Variants in FOXP2 observed in about 807,000 individuals in gnomAD.
The protein encoded by FOXP2 is forkhead box P2, also known as forkhead box protein P2.
In FOXP2, 12 loss-of-function variants were observed where a neutral mutation model predicts 115.8. That is an observed-to-expected ratio of 0.10 (90% CI 0.07 to 0.17). FOXP2 has a LOEUF of 0.17. Ranked by LOEUF, FOXP2 falls within the 10% of genes least tolerant of loss-of-function variation. The pLI is 1.00. For missense variants in FOXP2, 629 were observed against 843.5 expected, an observed-to-expected ratio of 0.75 and a Z score of 3.15; for synonymous variants, 328 against 297.7, an observed-to-expected ratio of 1.10 and a Z score of -1.05.
At chr7:114,233,255 G>A (rs1794929897) in intron 1 of FOXP2, among the ~76,000 whole-genome samples, 1 of 152,242 alleles carries the variant, frequency 6.6e-6, no homozygotes, top group South Asian at 2.1e-4. Flanking sequence ...CAAAAGGAGT[G>A]TTTAGGATTC....
intron 2 of FOXP2, among the ~76,000 whole-genome samples, chr7:114,429,464 A>G (rs944572828): frequency 1.3e-5 from 2 of 151,620 alleles, no homozygotes; most frequent in Middle Eastern, 3.4e-3. Context: ...TAAGTAGTAG[A>G]ATGTATAATA....
chr7:114,349,618 G>A (rs978552858), intron 2 of FOXP2, among the ~76,000 whole-genome samples: 2 of 151,850 alleles, frequency 1.3e-5, no homozygotes, highest in Non-Finnish European at 1.5e-5. Flanking sequence ...TTTCCCTCAA[G>A]GTGTATTTTG....
intron 1 of FOXP2, among the ~76,000 whole-genome samples, chr7:114,134,520 C>T (rs1013731306): frequency 2.6e-5 from 4 of 151,598 alleles, no homozygotes; most frequent in Non-Finnish European, 4.4e-5. Context: ...AAGACCATCC[C>T]GGCTAAAACG....
At chr7:114,688,648 T>C (rs961376075) in intron 16 of FOXP2, among the ~76,000 whole-genome samples, 5 of 152,164 alleles carry the variant, frequency 3.3e-5, no homozygotes, top group African/African-American at 9.7e-5. Flanking sequence ...TAAGCCTTGT[T>C]TGTGTGTGAC....
At chr7:114,304,455 T>A (rs901600961) in intron 2 of FOXP2, among the ~76,000 whole-genome samples, 1 of 151,880 alleles carries the variant, frequency 6.6e-6, no homozygotes. Flanking sequence ...GCAGATCACT[T>A]GAGGGCAGGA....
intron 3 of FOXP2, among the ~76,000 whole-genome samples, chr7:114,625,763 G>C (rs1026401053): frequency 2.6e-5 from 4 of 151,714 alleles, no homozygotes; most frequent in Non-Finnish European, 4.4e-5. Flanking sequence ...CTAGTTTTTT[G>C]TTTATTAAAT....
chr7:114,499,303 C>T, intron 2 of FOXP2: 1 of 170,398 alleles, frequency 5.9e-6, no homozygotes, highest in Non-Finnish European at 1.3e-5. Flanking sequence ...AGGGTTATTG[C>T]TGATAGCCTC....
chr7:114,447,002 G>A (rs1233460306), intron 2 of FOXP2, among the ~76,000 whole-genome samples: 3 of 151,714 alleles, frequency 2.0e-5, no homozygotes, highest in South Asian at 2.1e-4. Flanking sequence ...CACTCACTTC[G>A]GCCTCCCAAA....
intron 1 of FOXP2, among the ~76,000 whole-genome samples, chr7:114,264,130 A>G: frequency 6.6e-6 from 1 of 152,066 alleles, no homozygotes; most frequent in Non-Finnish European, 1.5e-5. Context: ...ACTTATATTA[A>G]TATGTTATTT....
intron 2 of FOXP2, among the ~76,000 whole-genome samples, chr7:114,396,845 A>G (rs1792757826): frequency 6.6e-6 from 1 of 152,102 alleles, no homozygotes; most frequent in African/African-American, 2.4e-5. Flanking sequence ...AAGTGATTTT[A>G]CCACAAAATG....
chr7:114,292,478 A>C (rs1033344571), intron 2 of FOXP2, among the ~76,000 whole-genome samples: 1 of 152,202 alleles, frequency 6.6e-6, no homozygotes, highest in South Asian at 2.1e-4. Context: ...ATGTGGCAAA[A>C]CCCAAATATC....
intron 1 of FOXP2, among the ~76,000 whole-genome samples, chr7:114,191,156 C>T (rs1793751337): frequency 6.6e-6 from 1 of 152,074 alleles, no homozygotes; most frequent in South Asian, 2.1e-4. Flanking sequence ...ACTTTCTATC[C>T]CTGTAGGTTT....
chr7:114,273,729 C>T (rs1187823999), intron 1 of FOXP2, among the ~76,000 whole-genome samples: 2 of 152,020 alleles, frequency 1.3e-5, no homozygotes, highest in Non-Finnish European at 2.9e-5. Flanking sequence ...TTGAAGTCTG[C>T]TATGTCTGAA....
At chr7:114,196,436 T>A (rs565064281) in intron 1 of FOXP2, among the ~76,000 whole-genome samples, 1 of 152,230 alleles carries the variant, frequency 6.6e-6, no homozygotes, top group Non-Finnish European at 1.5e-5. Context: ...TGGTGATTAT[T>A]AAACTATATT....
At chr7:114,569,980 A>T (rs149214363) in intron 3 of FOXP2, among the ~76,000 whole-genome samples, 1 of 151,970 alleles carries the variant, frequency 6.6e-6, no homozygotes, top group African/African-American at 2.4e-5. Flanking sequence ...ATGAATGGGG[A>T]TCATCCTTTC....
In FOXP2 at chr7:114,152,255, C is replaced by T. The variant is rs150821057; in HGVS notation, c.-246-10689C>T. Among the ~76,000 whole-genome samples the T allele has an allele frequency of 2.0e-5, 3 of 152,140 alleles. No individual in the cohort carries two copies. The East Asian group carries it at 5.8e-4, about 29-fold the overall frequency. ...TATTGAATACATAATTTTTACATGTCAACATTCTAATTTTAGTTTTCTTAT... is the reference window on the plus strand; with the variant it reads ...TATTGAATACATAATTTTTACATGTTAACATTCTAATTTTAGTTTTCTTAT... On this transcript the variant is annotated intron_variant, in intron 1 of 19. Coordinates refer to the FOXP2 transcript ENST00000635638.
chr7:114,443,939 A>C (rs1019031651), intron 2 of FOXP2, among the ~76,000 whole-genome samples: 4 of 152,188 alleles, frequency 2.6e-5, no homozygotes, highest in African/African-American at 7.2e-5. Flanking sequence ...TATATACCCA[A>C]TAATGGTATT....
chr7:114,211,758 AC>A (rs1414363353), intron 1 of FOXP2, among the ~76,000 whole-genome samples: 2 of 152,142 alleles, frequency 1.3e-5, no homozygotes, highest in African/African-American at 4.8e-5. Context: ...GAAGAACTGG[AC>A]CCATTTCTTC....
intron 2 of FOXP2, among the ~76,000 whole-genome samples, chr7:114,295,060 G>A (rs903355613): frequency 6.6e-6 from 1 of 151,930 alleles, no homozygotes. Flanking sequence ...TTAAATGAGA[G>A]TTTATGTTTA....
Sources: gnomAD v4.1 joint callset for allele counts (sites outside exome capture counted in the v4.1 genomes callset) on GRCh38, gnomAD v4.1.1 for gene constraint, MANE v1.5 for transcripts, NCBI Gene and HGNC (gene_info 2026-07-23, HGNC 2026-07-21) for gene names.